MAP3K9: variants seen among roughly 807,000 people sequenced by gnomAD.
MAP3K9 encodes mitogen-activated protein kinase kinase kinase 9.
In MAP3K9, 46 loss-of-function variants were observed where a neutral mutation model predicts 95.8. The observed-to-expected ratio is 0.48, with a 90% confidence interval of 0.38 to 0.61. The LOEUF (loss-of-function observed/expected upper bound fraction) is 0.61, where lower values mean the gene tolerates loss of function less well. Ranked by LOEUF, MAP3K9 falls within the 20% of genes least tolerant of loss-of-function variation. The pLI is 0.00. For synonymous variants in MAP3K9, 533 were observed against 593.8 expected (o/e 0.90, Z 1.49); for missense variants, 1,296 against 1,474.3 (o/e 0.88, Z 1.98).
At chr14:70,797,682 G>C (rs187981813) in intron 2 of MAP3K9, among the ~76,000 whole-genome samples, 65 of 152,216 alleles carry the variant, frequency 4.3e-4, no homozygotes, top group African/African-American at 1.4e-3. Flanking sequence ...CGGTTGCAAA[G>C]ATCACACCAC....
At chr14:70,749,669 A>G (rs2054198791) in intron 4 of MAP3K9, 2 of 397,196 alleles carry the variant, frequency 5.0e-6, no homozygotes, top group Non-Finnish European at 9.0e-6. Context: ...CTGATTTTGC[A>G]TTAAATGATA....
At chr14:70,765,419 A>G (rs1036447828) in intron 2 of MAP3K9, 7 of 685,026 alleles carry the variant, frequency 1.0e-5, no homozygotes, top group Admixed American at 6.2e-5. Context: ...CTAGGTCTTC[A>G]CATTCACTCA....
chr14:70,799,575 A>G (rs1336025196), intron 2 of MAP3K9, among the ~76,000 whole-genome samples: 1 of 151,652 alleles, frequency 6.6e-6, no homozygotes, highest in Non-Finnish European at 1.5e-5. Flanking sequence ...TCCTGACCTC[A>G]TGATCTGCCC....
rs1480362980 is a variant in MAP3K9 at position 70,797,448 on chromosome 14, T to TA, written c.820+3218dup. ...TAATAATAATAATAATAAAATTTTT[T>TA]AAAAAAAGGCTTGGTGCACTGGCTC... On this transcript the variant is annotated intron_variant, in intron 2 of 11. Coordinates refer to ENST00000554752, the MANE Select transcript of MAP3K9 (RefSeq NM_001284230.2). 2.6e-5 allele frequency among the ~76,000 whole-genome samples: 4 copies of TA among 151,590 alleles called. No homozygotes were observed. In the East Asian group the frequency reaches 7.7e-4, roughly 29 times the overall value.
intron 1 of MAP3K9, among the ~76,000 whole-genome samples, chr14:70,805,117 A>G (rs1394843614): frequency 1.3e-5 from 2 of 152,246 alleles, no homozygotes; most frequent in Admixed American, 6.5e-5. Context: ...CAGGAATATC[A>G]GGAATAAATC....
At chr14:70,780,049 G>A (rs1260785507) in intron 2 of MAP3K9, among the ~76,000 whole-genome samples, 1 of 152,206 alleles carries the variant, frequency 6.6e-6, no homozygotes, top group Non-Finnish European at 1.5e-5. Flanking sequence ...ACAAGATTGG[G>A]ATACTAGGGT....
At chr14:70,799,630 C>T (rs1238545544) in intron 2 of MAP3K9, among the ~76,000 whole-genome samples, 2 of 152,208 alleles carry the variant, frequency 1.3e-5, no homozygotes, top group Non-Finnish European at 2.9e-5. Flanking sequence ...TGAGCCACCG[C>T]GCCTGGCCTT....
chr14:70,793,425 G>A (rs560434942), intron 2 of MAP3K9, among the ~76,000 whole-genome samples: 2 of 152,280 alleles, frequency 1.3e-5, no homozygotes, highest in South Asian at 2.1e-4. Flanking sequence ...GGTGGCTCAC[G>A]CCTGTAATTC....
rs1172658414 is a variant in MAP3K9 at position 70,760,919 on chromosome 14, T to A, written c.1001+83A>T. 34 of 1,468,422 alleles carry A rather than the reference T, an allele frequency of 2.3e-5. No homozygotes were observed. The Admixed American group carries it at 6.2e-4, about 27-fold the overall frequency. 91.0% of individuals were successfully genotyped at this position (1,468,422 alleles called of 1,614,324 possible). ...TACTTCAGGTGCCTGGGATCCTAGG[T>A]AACCTCAATTCTCCAAGTCTTGAAA... On this transcript the variant is annotated intron_variant, in intron 3 of 11. Transcript: ENST00000554752.
chr14:70,752,271 CT>C (rs1203972914), intron 3 of MAP3K9, among the ~76,000 whole-genome samples: 3 of 152,172 alleles, frequency 2.0e-5, no homozygotes, highest in African/African-American at 7.2e-5. Flanking sequence ...AGCTGTTTGT[CT>C]GCTAGCCTAT....
At chr14:70,757,568 T>G (rs2054314425) in intron 3 of MAP3K9, among the ~76,000 whole-genome samples, 1 of 151,696 alleles carries the variant, frequency 6.6e-6, no homozygotes, top group Non-Finnish European at 1.5e-5. Flanking sequence ...TACCCTAAGA[T>G]TCATTAAATG....
intron 3 of MAP3K9, among the ~76,000 whole-genome samples, chr14:70,757,292 T>G (rs1435201089): frequency 6.6e-6 from 1 of 151,866 alleles, no homozygotes; most frequent in Non-Finnish European, 1.5e-5. Flanking sequence ...GGCAACATGG[T>G]GAAACCCTGT....
At chr14:70,750,105 G>A in intron 3 of MAP3K9, 24 bp from the exon 4 acceptor site, 2 of 1,612,048 alleles carry the variant, frequency 1.2e-6, no homozygotes, top group Non-Finnish European at 1.7e-6. Context: ...GAAGACAGAA[G>A]CCATGTAATA....
Position 70,793,652 on chromosome 14 carries a change from TTTCA to T in MAP3K9, c.820+7011_820+7014del, listed in dbSNP as rs10672359. Among the ~76,000 whole-genome samples the T allele has an allele frequency of 5.4e-4, 82 of 150,492 alleles. 1 individual carries two copies. Among genetic ancestry groups the T allele is most frequent in the East Asian group, 9.8e-4 (5 of 5,126 alleles). On this transcript the variant is annotated intron_variant, in intron 2 of 11. Coordinates refer to ENST00000554752, the MANE Select transcript of MAP3K9 (RefSeq NM_001284230.2). ...CGTAAGTAAACCAGTTCACATGATA[TTTCA>T]TTCATTCATTCATTCATTCATTCAT...
chr14:70,783,945 C>T (rs1039954578), intron 2 of MAP3K9, among the ~76,000 whole-genome samples: 1 of 152,216 alleles, frequency 6.6e-6, no homozygotes, highest in African/African-American at 2.4e-5. Flanking sequence ...AAACAATCAT[C>T]TGTGAATGTA....
At chr14:70,735,066 G>C (rs2053965175) in intron 9 of MAP3K9, among the ~76,000 whole-genome samples, 1 of 152,228 alleles carries the variant, frequency 6.6e-6, no homozygotes, top group Non-Finnish European at 1.5e-5. Context: ...CACCAACCCA[G>C]TGCACTGTGG....
intron 2 of MAP3K9, among the ~76,000 whole-genome samples, chr14:70,799,552 G>A (rs982685953): frequency 6.6e-6 from 1 of 151,744 alleles, no homozygotes; most frequent in East Asian, 1.9e-4. Flanking sequence ...TGTTAGCCAG[G>A]ATGGTCTCGA....
intron 3 of MAP3K9, among the ~76,000 whole-genome samples, chr14:70,754,001 C>A (rs1245545485): frequency 6.6e-6 from 1 of 152,186 alleles, no homozygotes; most frequent in Non-Finnish European, 1.5e-5. Flanking sequence ...TGACCAGTCT[C>A]CCTTGAATGA....
chr14:70,733,459 G>T (rs999442669), intron 10 of MAP3K9, 117 bp from the exon 11 acceptor site: 5 of 609,284 alleles, frequency 8.2e-6, no homozygotes, highest in East Asian at 5.5e-5. Context: ...GGACACAAAG[G>T]TTCAATGGTG....
Sources: allele counts gnomAD v4.1 joint callset (sites outside exome capture counted in the v4.1 genomes callset), GRCh38; gene constraint gnomAD v4.1.1; transcripts MANE v1.5; gene names NCBI Gene and HGNC (gene_info 2026-07-23, HGNC 2026-07-21).